The following CSMD2 variants were observed in gnomAD, a reference collection of about 807,000 sequenced individuals.
CSMD2 encodes CUB and sushi domain-containing protein 2.
A neutral mutation model predicts 398.5 loss-of-function variants in CSMD2; 130 were observed. The ratio of observed to expected loss-of-function variants is 0.33; its 90% confidence interval spans 0.28 to 0.38. The LOEUF (loss-of-function observed/expected upper bound fraction) is 0.38, where lower values mean the gene tolerates loss of function less well. Ranked by LOEUF, CSMD2 falls within the 10% of genes least tolerant of loss-of-function variation. CSMD2 has a pLI of 1.00. For missense variants in CSMD2, 3,829 were observed against 4,764.9 expected (o/e 0.80, Z 5.78); for synonymous variants, 1,828 against 1,908.5 (o/e 0.96, Z 1.10).
At chr1:33,784,815 C>T (rs1653318511) in intron 12 of CSMD2, among the ~76,000 whole-genome samples, 1 of 152,174 alleles carries the variant, frequency 6.6e-6, no homozygotes, top group Admixed American at 6.5e-5. Context: ...GTGCAAGGAG[C>T]TTTGAGATCT....
At chr1:33,744,263 G>A (rs943742367) in intron 13 of CSMD2, among the ~76,000 whole-genome samples, 1 of 152,180 alleles carries the variant, frequency 6.6e-6, no homozygotes, top group African/African-American at 2.4e-5. Flanking sequence ...TAACCGGGTG[G>A]AGACAGCCCA....
chr1:33,871,974 C>T (rs563565358), intron 5 of CSMD2, among the ~76,000 whole-genome samples: 49 of 152,240 alleles, frequency 3.2e-4, no homozygotes, highest in African/African-American at 1.2e-3. Context: ...ATGGATTAAC[C>T]CATTCATGAA....
chr1:33,571,768 T>C (rs1392108568), intron 50 of CSMD2, 42 bp from the exon 51 acceptor site: 1 of 1,368,922 alleles, frequency 7.3e-7, no homozygotes, highest in Admixed American at 2.3e-5. Context: ...ATTACTTGAT[T>C]AATTCTGGAA....
chr1:33,820,580 A>AC, intron 7 of CSMD2, 24 bp from the exon 8 acceptor site: 2 of 1,176,006 alleles, frequency 1.7e-6, no homozygotes, highest in South Asian at 1.3e-5. Context: ...AAAAAAAAAA[A>AC]AAAAAAAACA....
intron 44 of CSMD2, among the ~76,000 whole-genome samples, chr1:33,596,835 T>C (rs1482106437): frequency 1.3e-5 from 2 of 152,184 alleles, no homozygotes; most frequent in Admixed American, 1.3e-4. Flanking sequence ...ATATCAGATG[T>C]CTTTGCTTTG....
intron 2 of CSMD2, among the ~76,000 whole-genome samples, chr1:34,066,730 A>G (rs1432563209): frequency 6.6e-6 from 1 of 152,130 alleles, no homozygotes; most frequent in Admixed American, 6.5e-5. Flanking sequence ...GGGGTTGGGT[A>G]CACTGCAGCA....
At position 33,514,634 on chromosome 1, in the gene CSMD2, G is replaced by A. The variant is rs1653610004; in HGVS notation, c.*1990C>T. The A allele has an allele frequency of 6.6e-6, 1 of 152,070 alleles. No homozygotes were observed. Among genetic ancestry groups the A allele is most frequent in the Non-Finnish European group, 1.5e-5 (1 of 68,030 alleles). 9.4% of individuals were successfully genotyped at this position (152,070 alleles called of 1,614,324 possible). A position where few individuals can be genotyped will look rare whatever the true frequency, so the allele number is the denominator to read the frequency against. On this transcript the variant is annotated 3_prime_UTR_variant, in exon 71 of 71. Transcript: ENST00000373381. ...CTGAGAGGGGCATAAGAAGGGGGAA[G>A]GGAGCAGTCGAAGGAGAGGAGTGTA...
intron 3 of CSMD2, among the ~76,000 whole-genome samples, chr1:34,006,224 C>A (rs1454340358): frequency 6.6e-6 from 1 of 152,136 alleles, no homozygotes; most frequent in Non-Finnish European, 1.5e-5. Flanking sequence ...TTGAGACAGT[C>A]CTCCCAGACC....
intron 1 of CSMD2, among the ~76,000 whole-genome samples, chr1:34,142,586 CT>C (rs1221373501): frequency 3.3e-5 from 5 of 152,204 alleles, no homozygotes; most frequent in African/African-American, 4.8e-5. Flanking sequence ...GAATGGCCCC[CT>C]CTCTCCATCT....
At chr1:33,605,826 C>A in intron 41 of CSMD2, 1 of 1,553,898 alleles carries the variant, frequency 6.4e-7, no homozygotes, top group South Asian at 1.2e-5. Flanking sequence ...GGCCAGGCAC[C>A]AGCCTAACTC....
chr1:34,075,077 C>T (rs1656174674), intron 2 of CSMD2, among the ~76,000 whole-genome samples: 1 of 152,360 alleles, frequency 6.6e-6, no homozygotes, highest in East Asian at 1.9e-4. Context: ...TGATACCTGG[C>T]ATTCCTGTTA....
chr1:33,733,571 G>C (rs1386369776), intron 15 of CSMD2, among the ~76,000 whole-genome samples: 1 of 152,164 alleles, frequency 6.6e-6, no homozygotes, highest in Non-Finnish European at 1.5e-5. Flanking sequence ...CTCACCTCGA[G>C]TTATAATCCC....
At chr1:34,140,601 A>G (rs1486340437) in intron 1 of CSMD2, among the ~76,000 whole-genome samples, 1 of 152,144 alleles carries the variant, frequency 6.6e-6, no homozygotes, top group Non-Finnish European at 1.5e-5. Context: ...CATTGTTACA[A>G]AGGTTTTGTG....
chr1:33,851,700 C>A (rs980738489), intron 5 of CSMD2, among the ~76,000 whole-genome samples: 1 of 152,196 alleles, frequency 6.6e-6, no homozygotes, highest in East Asian at 1.9e-4. Flanking sequence ...TTTAATGACT[C>A]AGCCTTGACA....
rs371189414 is a variant in CSMD2 at position 33,700,527 on chromosome 1, C to A, written c.3723G>T (p.Leu1241=). 1 of 1,614,080 alleles carries A rather than the reference C, an allele frequency of 6.2e-7. No homozygotes were observed. The highest frequency in any genetic ancestry group is 1.1e-5 in the South Asian group (1 of 91,050). Residue 1241 remains leucine, a synonymous_variant, in exon 23 of 71, where the codon CTG becomes CTT. Transcript: ENST00000373381. The stretch of plus-strand genomic sequence containing the variant: ...GCAAGAAAGACTTACTGGAAAAGTG[C>A]AGTTCAAAGCCCTTGCTGGTGTTTT... ...DAENTSKGFE[L]HFSSFELIKC...
chr1:34,065,503 C>T (rs74070278), intron 2 of CSMD2, among the ~76,000 whole-genome samples: 2 of 152,168 alleles, frequency 1.3e-5, no homozygotes, highest in African/African-American at 4.8e-5. Flanking sequence ...CTAAGCAGGG[C>T]CGGCTGCACA....
intron 1 of CSMD2, among the ~76,000 whole-genome samples, chr1:34,137,422 T>C (rs1384602702): frequency 6.6e-6 from 1 of 152,234 alleles, no homozygotes; most frequent in Non-Finnish European, 1.5e-5. Flanking sequence ...CTTCCTCTCA[T>C]GCCCAGATTC....
At chr1:34,013,149 G>T (rs1647596894) in intron 3 of CSMD2, among the ~76,000 whole-genome samples, 1 of 152,154 alleles carries the variant, frequency 6.6e-6, no homozygotes. Context: ...TTCCGGGGAG[G>T]GCTGCTTTGA....
In CSMD2 at chr1:33,724,318, A is replaced by G. The variant is rs760237917; in HGVS notation, c.2885-5T>C. ...GAATGAAGCCACCACAGAGAGCTAC[A>G]GAAGGAGTGAAGAGGGCAGTGAAAG... On this transcript the variant is annotated splice_region_variant and splice_polypyrimidine_tract_variant and intron_variant, in intron 18 of 70. Transcript: ENST00000373381. The G allele has an allele frequency of 4.4e-6, 7 of 1,606,274 alleles. No homozygotes were observed. The Admixed American group carries it at 1.0e-4, about 23-fold the overall frequency.
Sources: gnomAD v4.1 joint callset for allele counts (sites outside exome capture counted in the v4.1 genomes callset) on GRCh38, gnomAD v4.1.1 for gene constraint, MANE v1.5 for transcripts, NCBI Gene and HGNC (gene_info 2026-07-23, HGNC 2026-07-21) for gene names.